The following TMEM37 variants were observed in gnomAD, a reference collection of about 807,000 sequenced individuals.
TMEM37 encodes the protein transmembrane protein 37.
TMEM37 carries 12 observed loss-of-function variants against 11.0 expected under a neutral mutation model. That is an observed-to-expected ratio of 1.09 (90% CI 0.70 to 1.76). TMEM37 has a LOEUF of 1.76. Among genes scored for constraint, TMEM37 ranks in the 40% most tolerant of loss-of-function variants. The probability of loss-of-function intolerance (pLI) is 0.00; values close to 1 mark genes in which losing one functional copy is unlikely to be tolerated. For synonymous variants in TMEM37, 127 were observed against 110.5 expected (o/e 1.15, Z -0.94); for missense variants, 203 against 251.2 (o/e 0.81, Z 1.30).
Position 119,437,517 on chromosome 2 carries a change from T to C in TMEM37, c.*77T>C, listed in dbSNP as rs1222086727. On this transcript the variant is annotated 3_prime_UTR_variant, in exon 2 of 2. Transcript: ENST00000306406. ...TGGTCAAAATGGGACTTTTCCAGCA[T>C]GTGGCCTCTGGTGGGGCTGGGTTGG... 21 of 1,525,870 alleles carry C rather than the reference T, an allele frequency of 1.4e-5. No individual in the cohort carries two copies. The highest frequency in any genetic ancestry group is 1.8e-5 in the Non-Finnish European group (20 of 1,135,356). The allele number at this position is 1,525,870 out of a possible 1,614,324, so 94.5% of individuals were successfully genotyped here.
At chr2:119,429,989 A>G (rs1475518054), upstream of TMEM37, 1 of 1,550,292 alleles carries the variant, frequency 6.5e-7, no homozygotes, top group East Asian at 2.4e-5. Flanking sequence ...GCCAGGTGAG[A>G]TGCTATGATC....
upstream of TMEM37, chr2:119,430,498 G>A: frequency 2.1e-6 from 1 of 467,372 alleles, no homozygotes; most frequent in Non-Finnish European, 4.4e-6. Flanking sequence ...TCAAGCTCCA[G>A]GACTGGGGTA....
intron 1 of TMEM37, 102 bp from the exon 2 acceptor site, chr2:119,436,785 GAC>G: frequency 1.1e-6 from 1 of 929,396 alleles, no homozygotes; most frequent in South Asian, 1.6e-5. Context: ...CAGAGAATAA[GAC>G]AGTGCGGAGC....
upstream of TMEM37, chr2:119,431,853 C>G: frequency 8.1e-7 from 1 of 1,232,858 alleles, no homozygotes; most frequent in Non-Finnish European, 1.0e-6. Flanking sequence ...CCGGCGGCCA[C>G]AGCGGAGCAG....
upstream of TMEM37, among the ~76,000 whole-genome samples, chr2:119,431,432 G>A (rs1254971880): frequency 2.0e-5 from 3 of 152,204 alleles, no homozygotes; most frequent in East Asian, 3.9e-4. Flanking sequence ...CAGAGTGAGG[G>A]CAGCAGAGCC....
rs1277737811 is a variant in TMEM37 at position 119,431,874 on chromosome 2, C to T, written c.-30C>T. On this transcript the variant is annotated 5_prime_UTR_variant, in exon 1 of 2. Coordinates refer to ENST00000306406, the MANE Select transcript of TMEM37 (RefSeq NM_183240.3). ...GCCACAGCGGAGCAGCTGGAGCGAT[C>T]GAGGCTGCAGCGCGGCCGCCGGGCG... is the stretch of plus-strand genomic sequence containing the variant. 8.1e-7 allele frequency: 1 copy of T among 1,232,422 alleles called. No individual in the cohort carries two copies. 76.3% of individuals were successfully genotyped at this position (1,232,422 alleles called of 1,614,324 possible).
At chr2:119,431,032 G>C (rs1420368126), upstream of TMEM37, among the ~76,000 whole-genome samples, 1 of 152,092 alleles carries the variant, frequency 6.6e-6, no homozygotes, top group Non-Finnish European at 1.5e-5. Flanking sequence ...CCAGCTACTC[G>C]GGAGGCTGAG....
chr2:119,437,428 T>C lies in TMEM37; in HGVS notation c.561T>C (p.His187=). The C allele has an allele frequency of 6.2e-7, 1 of 1,611,616 alleles. No homozygotes were observed. Among genetic ancestry groups the C allele is most frequent in the East Asian group, 2.2e-5 (1 of 44,852 alleles). ...GCCTTCACATCAACAGCATCACCCA[T>C]CCCTGGGAATGACCGTGGAAATTTT... is the stretch of plus-strand genomic sequence containing the variant. ...ISGLHINSIT[H]PWE Residue 187 remains histidine, a synonymous_variant, in exon 2 of 2, where the codon CAT becomes CAC. Transcript: ENST00000306406.
At position 119,437,359 on chromosome 2, in the gene TMEM37, C is replaced by T. The variant is rs142830156; in HGVS notation, c.492C>T (p.Cys164=). 27 of 1,614,138 alleles carry T rather than the reference C, an allele frequency of 1.7e-5. No individual in the cohort carries two copies. The highest frequency in any genetic ancestry group is 6.7e-5 in the East Asian group (3 of 44,906). Residue 164 remains cysteine (C), a synonymous_variant, in exon 2 of 2, where the codon TGC becomes TGT. Transcript: ENST00000306406. Reference sequence around the variant, plus strand: ...TCGGCTTCACCCTAATGTTTTGGTGCGAATTCACTGCCTCCTTCCTCCTCT... The same window carrying T: ...TCGGCTTCACCCTAATGTTTTGGTGTGAATTCACTGCCTCCTTCCTCCTCT... The part of the protein sequence containing the change: ...TLIGFTLMFW[C]EFTASFLLFL...
chr2:119,431,527 C>T (rs1475015245), upstream of TMEM37, among the ~76,000 whole-genome samples: 2 of 152,358 alleles, frequency 1.3e-5, no homozygotes, highest in East Asian at 3.9e-4. Context: ...AACCCTCAGG[C>T]CCTCGTCGCC....
chr2:119,431,876 A>C lies in TMEM37; in HGVS notation c.-28A>C. ...CACAGCGGAGCAGCTGGAGCGATCG[A>C]GGCTGCAGCGCGGCCGCCGGGCGCA... On this transcript the variant is annotated 5_prime_UTR_variant, in exon 1 of 2. Coordinates refer to ENST00000306406, the MANE Select transcript of TMEM37 (RefSeq NM_183240.3). 1 of 1,227,184 alleles carries C rather than the reference A, an allele frequency of 8.1e-7. No individual in the cohort carries two copies. Among genetic ancestry groups the C allele is most frequent in the East Asian group, 3.2e-5 (1 of 30,796 alleles). The allele number at this position is 1,227,184 out of a possible 1,614,324, so 76.0% of individuals were successfully genotyped here.
chr2:119,430,072 GTCTT>G, upstream of TMEM37: 3 of 1,128,178 alleles, frequency 2.7e-6, no homozygotes, highest in Non-Finnish European at 3.9e-6. Context: ...AACAGGACAG[GTCTT>G]CCTTTCCCAT....
rs1397102936 is a variant in TMEM37 at position 119,437,434 on chromosome 2, G to A, written c.567G>A (p.Trp189Ter). 3 of 1,610,212 alleles carry A rather than the reference G, an allele frequency of 1.9e-6. No individual in the cohort carries two copies. The highest frequency in any genetic ancestry group is 2.5e-6 in the Non-Finnish European group (3 of 1,177,668). ...ACATCAACAGCATCACCCATCCCTG[G>A]GAATGACCGTGGAAATTTTAGGCCC... ...GLHINSITHP[W>*]E The change falls in exon 2 of 2, where the codon TGG becomes TGA. Residue 189 changes from tryptophan to a stop codon, truncating the protein, a stop_gained. Coordinates refer to ENST00000306406, the MANE Select transcript of TMEM37 (RefSeq NM_183240.3). LOFTEE classifies it high-confidence loss of function.
intron 1 of TMEM37, among the ~76,000 whole-genome samples, chr2:119,434,470 T>C (rs1558824459): frequency 6.6e-6 from 1 of 151,874 alleles, no homozygotes; most frequent in Non-Finnish European, 1.5e-5. Context: ...TTTTTTTTTT[T>C]TGTAATAAAA....
In TMEM37 at chr2:119,437,454, A is replaced by T. The variant is rs374184321; in HGVS notation, c.*14A>T. ...CCCTGGGAATGACCGTGGAAATTTT[A>T]GGCCCCCTCCAGGGACATCAGATTC... On this transcript the variant is annotated 3_prime_UTR_variant, in exon 2 of 2. Coordinates refer to ENST00000306406, the MANE Select transcript of TMEM37 (RefSeq NM_183240.3). 6.7e-5 allele frequency: 108 copies of T among 1,606,954 alleles called. No individual in the cohort carries two copies. The highest frequency in any genetic ancestry group is 1.5e-4 in the Admixed American group (9 of 59,412).
intron 1 of TMEM37, among the ~76,000 whole-genome samples, chr2:119,434,568 A>G (rs1682463951): frequency 6.6e-6 from 1 of 151,904 alleles, no homozygotes; most frequent in Non-Finnish European, 1.5e-5. Flanking sequence ...CAGCCTGCTC[A>G]GCTTCCCTGC....
At chr2:119,430,073 T>A (rs1248329176), upstream of TMEM37, 1 of 1,107,656 alleles carries the variant, frequency 9.0e-7, no homozygotes, top group Admixed American at 2.2e-5. Flanking sequence ...ACAGGACAGG[T>A]CTTCCTTTCC....
chr2:119,437,650 T>C lies in TMEM37; in HGVS notation c.*210T>C, dbSNP rs547320834. 3.1e-5 allele frequency: 19 copies of C among 616,116 alleles called. No homozygotes were observed. The highest frequency in any genetic ancestry group is 5.3e-5 in the Non-Finnish European group (19 of 357,292). The allele number at this position is 616,116 out of a possible 1,614,324, so 38.2% of individuals were successfully genotyped here. Reference sequence around the variant, plus strand: ...TCTGCAGGGCCAGAGGCCAGGAGGGTGCCTCAGTGCCACCAACTGCACAGG... The same window carrying C: ...TCTGCAGGGCCAGAGGCCAGGAGGGCGCCTCAGTGCCACCAACTGCACAGG... On this transcript the variant is annotated 3_prime_UTR_variant, in exon 2 of 2. Transcript: ENST00000306406.
intron 1 of TMEM37, among the ~76,000 whole-genome samples, chr2:119,432,865 C>G (rs1215837092): frequency 6.6e-6 from 1 of 152,216 alleles, no homozygotes; most frequent in Admixed American, 6.5e-5. Context: ...GGCTTTCTGG[C>G]TCCAAATCCC....
Sources: gnomAD v4.1 joint callset for allele counts (sites outside exome capture counted in the v4.1 genomes callset) on GRCh38, gnomAD v4.1.1 for gene constraint, MANE v1.5 for transcripts, NCBI Gene and HGNC (gene_info 2026-07-23, HGNC 2026-07-21) for gene names.